JMJD1C: variants seen among roughly 807,000 people sequenced by gnomAD.
JMJD1C encodes jumonji domain-containing protein 1C.
Under a neutral mutation model 245.3 loss-of-function variants are expected in JMJD1C, and 31 were observed. The observed-to-expected ratio is 0.13, with a 90% confidence interval of 0.09 to 0.17. JMJD1C has a LOEUF of 0.17. Among genes scored for constraint, JMJD1C ranks in the 10% least tolerant of loss-of-function variants. JMJD1C has a pLI of 1.00. For synonymous variants in JMJD1C, 1,057 were observed against 1,017.4 expected (o/e 1.04, Z -0.74); for missense variants, 2,691 against 3,000.2 (o/e 0.90, Z 2.41).
Position 63,206,659 on chromosome 10 carries a change from G to A in JMJD1C, c.5010C>T (p.Pro1670=). ...RKGEIEEDLK[P]NGVLSRSAKE... ...TGGCACTCCTGCTGAGAACTCCATT[G>A]GGTTTCAAATCTTCTTCTATTTCAC... The change falls in exon 10 of 26, where the codon CCC becomes CCT. Residue 1670 remains proline (P), a synonymous_variant. Transcript: ENST00000399262. 1 of 1,612,124 alleles carries A rather than the reference G, an allele frequency of 6.2e-7. No homozygotes were observed. The highest frequency in any genetic ancestry group is 8.5e-7 in the Non-Finnish European group (1 of 1,179,464).
chr10:63,171,361 C>G (rs1383402390), intron 24 of JMJD1C, among the ~76,000 whole-genome samples: 1 of 152,108 alleles, frequency 6.6e-6, no homozygotes, highest in Non-Finnish European at 1.5e-5. Context: ...TAGAATAGTT[C>G]TTAGCATATA....
intron 3 of JMJD1C, among the ~76,000 whole-genome samples, chr10:63,252,237 GACTGTTAAT>G (rs1190099020): frequency 6.6e-6 from 1 of 152,184 alleles, no homozygotes; most frequent in African/African-American, 2.4e-5. Flanking sequence ...TAACAGCCAT[GACTGTTAAT>G]TTTAAGTGTC....
chr10:63,390,346 AAACAAACTAAT>A (rs1667310629), intron 1 of JMJD1C, among the ~76,000 whole-genome samples: 1 of 152,138 alleles, frequency 6.6e-6, no homozygotes, highest in Admixed American at 6.5e-5. Context: ...TAGAAAATCT[AAACAAACTAAT>A]AACAAGTAAT....
At chr10:63,495,509 C>A (rs148151255) in intron 1 of JMJD1C, among the ~76,000 whole-genome samples, 27 of 152,156 alleles carry the variant, frequency 1.8e-4, no homozygotes, top group African/African-American at 6.5e-4. Context: ...TGGTGGCTCA[C>A]GCCTGTAATC....
In JMJD1C at chr10:63,490,791, A is replaced by G. The variant is rs188566545; in HGVS notation, n.113+30947T>C. The stretch of plus-strand genomic sequence containing the variant: ...AGCTTCTTGAGGGCAGGAACTCAAG[A>G]AGGGCAGGAACTTTGTTTTGTTTAA... On this transcript the variant is annotated intron_variant and non_coding_transcript_variant, in intron 1 of 3. Transcript: ENST00000633035. Among the ~76,000 whole-genome samples, 87 of 152,314 alleles carry G rather than the reference A, an allele frequency of 5.7e-4. 1 individual carries two copies. The highest frequency in any genetic ancestry group is 1.6e-3 in the African/African-American group (68 of 41,568).
At chr10:63,520,935 G>A (rs1476939028) in intron 1 of JMJD1C, among the ~76,000 whole-genome samples, 1 of 152,318 alleles carries the variant, frequency 6.6e-6, no homozygotes, top group Non-Finnish European at 1.5e-5. Context: ...CTGGGCCTCC[G>A]TAAACACTGA....
At position 63,206,808 on chromosome 10, in the gene JMJD1C, T is replaced by C. The variant is rs780164856; in HGVS notation, c.4861A>G (p.Thr1621Ala). The C allele has an allele frequency of 4.4e-6, 7 of 1,602,240 alleles. No individual in the cohort carries two copies. The highest frequency in any genetic ancestry group is 3.4e-6 in the Non-Finnish European group (4 of 1,176,888). Residue 1621 changes from threonine to alanine, a missense_variant, in exon 10 of 26, where the codon ACT (threonine) becomes GCT (alanine). Thr to Ala is a moderately conservative substitution (Grantham distance 58). Coordinates refer to ENST00000399262, the MANE Select transcript of JMJD1C (RefSeq NM_032776.3). ...CCACTTTCAGAGCCAGATTCATAAG[T>C]TCTTTTGGCTTTTCTCCTGTTGACT... ...DKVNRRKAKR[T>A]YESGSESGDS...
At chr10:63,358,798 C>G (rs1415983452) in intron 2 of JMJD1C, 1 of 153,202 alleles carries the variant, frequency 6.5e-6, no homozygotes, top group East Asian at 1.9e-4. Flanking sequence ...TCTGGAAAGG[C>G]GGCCAGTTAA....
intron 1 of JMJD1C, among the ~76,000 whole-genome samples, chr10:63,414,543 T>C (rs1949689729): frequency 6.6e-6 from 1 of 152,002 alleles, no homozygotes; most frequent in Non-Finnish European, 1.5e-5. Flanking sequence ...GTTACTGACA[T>C]ACAAGAAAAA....
chr10:63,198,618 C>G lies in JMJD1C; in HGVS notation c.5386G>C (p.Glu1796Gln). Residue 1796 changes from glutamate to glutamine, a missense_variant, in exon 12 of 26, where the codon GAA becomes CAA. By Grantham distance (29) the Glu-to-Gln change is conservative. Around this residue, in one of 9 missense-constraint regions of JMJD1C, gnomAD observed 139 missense variants for 270.5 expected, o/e 0.51. Coordinates refer to ENST00000399262, the MANE Select transcript of JMJD1C (RefSeq NM_032776.3). ...LWTHENFEDD[E>Q]LDIETSKYIL... ...TATTTAGAAGTCTCTATATCTAGTT[C>G]ATCATCTTCAAAATTTTCATGTGTC... The G allele has an allele frequency of 6.2e-7, 1 of 1,609,078 alleles. No homozygotes were observed. Among genetic ancestry groups the G allele is most frequent in the Non-Finnish European group, 8.5e-7 (1 of 1,176,032 alleles).
At chr10:63,338,846 T>C (rs1189370975) in intron 2 of JMJD1C, among the ~76,000 whole-genome samples, 1 of 151,608 alleles carries the variant, frequency 6.6e-6, no homozygotes, top group Non-Finnish European at 1.5e-5. Flanking sequence ...CAGGGTTTAC[T>C]CCATGTTGGT....
intron 1 of JMJD1C, among the ~76,000 whole-genome samples, chr10:63,461,948 ATAT>A (rs933107458): frequency 2.0e-5 from 3 of 152,198 alleles, no homozygotes; most frequent in Non-Finnish European, 2.9e-5. Context: ...AAGGAGACAA[ATAT>A]TATGCAACAG....
intron 1 of JMJD1C, among the ~76,000 whole-genome samples, chr10:63,518,944 C>T (rs1005281430): frequency 2.0e-5 from 3 of 152,198 alleles, no homozygotes; most frequent in Non-Finnish European, 4.4e-5. Context: ...AGTTCTGTTA[C>T]CAATGACCTA....
intron 1 of JMJD1C, among the ~76,000 whole-genome samples, chr10:63,382,423 A>G (rs1169334109): frequency 6.6e-6 from 1 of 152,178 alleles, no homozygotes; most frequent in Non-Finnish European, 1.5e-5. Flanking sequence ...AATTAATGTA[A>G]TATACATTAA....
intron 2 of JMJD1C, among the ~76,000 whole-genome samples, chr10:63,355,808 G>C (rs1944791888): frequency 6.6e-6 from 1 of 151,846 alleles, no homozygotes; most frequent in Non-Finnish European, 1.5e-5. Context: ...TAATGAGATG[G>C]GCGCCCAGTG....
At chr10:63,323,143 T>C (rs146667870) in intron 2 of JMJD1C, among the ~76,000 whole-genome samples, 4 of 152,224 alleles carry the variant, frequency 2.6e-5, no homozygotes, top group Non-Finnish European at 4.4e-5. Context: ...TCAACAAAGC[T>C]GTAATGACAG....
chr10:63,401,736 A>G (rs1416738487), intron 1 of JMJD1C, among the ~76,000 whole-genome samples: 4 of 152,152 alleles, frequency 2.6e-5, no homozygotes, highest in Non-Finnish European at 5.9e-5. Flanking sequence ...TAAAATTCGT[A>G]TGTGGAAACC....
At chr10:63,427,849 G>C (rs1237140241) in intron 1 of JMJD1C, 1 of 960,322 alleles carries the variant, frequency 1.0e-6, no homozygotes, top group Non-Finnish European at 1.7e-6. Flanking sequence ...AGCCAAGGAA[G>C]CCAAGGAGCA....
intron 4 of JMJD1C, among the ~76,000 whole-genome samples, chr10:63,218,875 A>C (rs553646620): frequency 3.3e-5 from 5 of 152,322 alleles, no homozygotes; most frequent in African/African-American, 1.2e-4. Flanking sequence ...TTCGACGTTT[A>C]TAAGACAAAT....
Sources: allele counts gnomAD v4.1 joint callset (sites outside exome capture counted in the v4.1 genomes callset), GRCh38; gene constraint gnomAD v4.1.1; regional missense constraint gnomAD v4.1.1; transcripts MANE v1.5; gene names NCBI Gene and HGNC (gene_info 2026-07-23, HGNC 2026-07-21).